The following PLPPR1 variants were observed in gnomAD, a reference collection of about 807,000 sequenced individuals.
PLPPR1 encodes phospholipid phosphatase-related protein type 1.
In PLPPR1, 10 loss-of-function variants were observed where a neutral mutation model predicts 33.1. That is an observed-to-expected ratio of 0.30 (90% CI 0.19 to 0.51). PLPPR1 has a LOEUF of 0.51. Ranked by LOEUF, PLPPR1 falls within the 20% of genes least tolerant of loss-of-function variation. PLPPR1 has a pLI of 0.97. For missense variants in PLPPR1, 304 were observed against 408.1 expected, an observed-to-expected ratio of 0.74 and a Z score of 2.20; for synonymous variants, 151 against 151.0, an observed-to-expected ratio of 1.00 and a Z score of 0.00.
At chr9:101,182,041 ATATATGTAGTATTG>A (rs1349588273) in intron 1 of PLPPR1, among the ~76,000 whole-genome samples, 7 of 151,362 alleles carry the variant, frequency 4.6e-5, no homozygotes, top group Admixed American at 1.3e-4. Flanking sequence ...TGGTGAACAT[ATATATGTAGTATTG>A]TAATGGAATA....
chr9:101,138,282 C>G (rs1431464), intron 1 of PLPPR1, among the ~76,000 whole-genome samples: 96,059 of 151,976 alleles, frequency 0.63, 31,393 homozygotes, highest in Non-Finnish European at 0.73. Flanking sequence ...AACTCACTGG[C>G]TTGTTAAAAG....
chr9:101,083,572 T>C (rs1435814722), intron 1 of PLPPR1, among the ~76,000 whole-genome samples: 2 of 152,080 alleles, frequency 1.3e-5, no homozygotes, highest in Non-Finnish European at 2.9e-5. Context: ...AATCAATTGG[T>C]TACTCAAGGT....
intron 4 of PLPPR1, among the ~76,000 whole-genome samples, chr9:101,297,303 G>A (rs1430119621): frequency 6.6e-6 from 1 of 152,192 alleles, no homozygotes; most frequent in Non-Finnish European, 1.5e-5. Context: ...GGATAGAAGA[G>A]CAAAAACTTC....
chr9:101,216,638 G>A (rs941237483), intron 2 of PLPPR1, among the ~76,000 whole-genome samples: 3 of 152,176 alleles, frequency 2.0e-5, no homozygotes, highest in African/African-American at 7.2e-5. Flanking sequence ...AAGAGAATCT[G>A]CCCTTAATGG....
chr9:101,227,001 C>T (rs1455690773), intron 2 of PLPPR1, among the ~76,000 whole-genome samples: 1 of 152,132 alleles, frequency 6.6e-6, no homozygotes, highest in Admixed American at 6.5e-5. Context: ...GAGGCTGAAC[C>T]TTGGACCCTG....
At chr9:101,308,277 C>T (rs947599345) in intron 4 of PLPPR1, among the ~76,000 whole-genome samples, 1 of 152,056 alleles carries the variant, frequency 6.6e-6, no homozygotes, top group East Asian at 1.9e-4. Flanking sequence ...AGAGGAGATA[C>T]AACAGTGAAG....
At chr9:101,168,365 C>T (rs1825890877) in intron 1 of PLPPR1, among the ~76,000 whole-genome samples, 1 of 152,068 alleles carries the variant, frequency 6.6e-6, no homozygotes, top group Non-Finnish European at 1.5e-5. Flanking sequence ...TAATTTCATA[C>T]CATAGATATG....
intron 1 of PLPPR1, among the ~76,000 whole-genome samples, chr9:101,169,193 TCTGTGTGC>T (rs1588055951): frequency 6.6e-6 from 1 of 152,160 alleles, no homozygotes; most frequent in Non-Finnish European, 1.5e-5. Flanking sequence ...TGTCTGTGTG[TCTGTGTGC>T]TTCAGTTCTT....
At chr9:101,168,666 A>G (rs532210363) in intron 1 of PLPPR1, among the ~76,000 whole-genome samples, 4 of 152,284 alleles carry the variant, frequency 2.6e-5, no homozygotes, top group African/African-American at 9.6e-5. Flanking sequence ...CCTTGAACCC[A>G]GAAGGTACTT....
intron 2 of PLPPR1, among the ~76,000 whole-genome samples, chr9:101,208,820 C>A (rs1402457309): frequency 6.6e-6 from 1 of 152,278 alleles, no homozygotes; most frequent in Non-Finnish European, 1.5e-5. Context: ...ACAGATCATA[C>A]TGGCCACTTC....
chr9:101,281,424 T>G (rs114797827), intron 3 of PLPPR1, among the ~76,000 whole-genome samples: 45 of 152,028 alleles, frequency 3.0e-4, no homozygotes, highest in Non-Finnish European at 5.6e-4. Flanking sequence ...GACATTTATA[T>G]GACATCACAA....
At chr9:101,126,533 C>T (rs984057843) in intron 1 of PLPPR1, among the ~76,000 whole-genome samples, 5 of 152,158 alleles carry the variant, frequency 3.3e-5, no homozygotes, top group East Asian at 1.9e-4. Flanking sequence ...AGATATGCCT[C>T]GGTTTATTGA....
chr9:101,097,840 C>T (rs1830840809), intron 1 of PLPPR1, among the ~76,000 whole-genome samples: 2 of 152,050 alleles, frequency 1.3e-5, no homozygotes, highest in Non-Finnish European at 2.9e-5. Flanking sequence ...GGAGGTATTT[C>T]TGTAAGAGGG....
intron 1 of PLPPR1, among the ~76,000 whole-genome samples, chr9:101,070,453 G>T (rs1397249223): frequency 6.6e-6 from 1 of 152,010 alleles, no homozygotes; most frequent in Non-Finnish European, 1.5e-5. Flanking sequence ...AGAAAAGGAA[G>T]AATGGCACAT....
At chr9:101,113,036 T>A (rs1831075554) in intron 1 of PLPPR1, among the ~76,000 whole-genome samples, 1 of 152,232 alleles carries the variant, frequency 6.6e-6, no homozygotes, top group Non-Finnish European at 1.5e-5. Flanking sequence ...TGAAAGATGC[T>A]TCTAATTATC....
chr9:101,225,771 ATAATT>A (rs1419293207), intron 2 of PLPPR1, among the ~76,000 whole-genome samples: 5 of 141,102 alleles, frequency 3.5e-5, no homozygotes, highest in African/African-American at 1.3e-4. Context: ...ACCAAGAAAT[ATAATT>A]TAAATGTGTC....
At chr9:101,287,314 C>A (rs907385232) in intron 4 of PLPPR1, among the ~76,000 whole-genome samples, 2 of 152,182 alleles carry the variant, frequency 1.3e-5, no homozygotes, top group African/African-American at 4.8e-5. Context: ...GATGCCACTA[C>A]TATCTAGTTC....
intron 1 of PLPPR1, among the ~76,000 whole-genome samples, chr9:101,037,649 A>G (rs1830025686): frequency 6.6e-6 from 1 of 152,122 alleles, no homozygotes; most frequent in Non-Finnish European, 1.5e-5. Context: ...TTTGCTAGCT[A>G]TCGCTTCCAG....
intron 2 of PLPPR1, among the ~76,000 whole-genome samples, chr9:101,224,132 C>T (rs1346458531): frequency 3.3e-5 from 5 of 152,078 alleles, no homozygotes; most frequent in African/African-American, 1.2e-4. Flanking sequence ...GAATATTCCA[C>T]TGTGCCATAG....
Sources: gnomAD v4.1 joint callset for allele counts (sites outside exome capture counted in the v4.1 genomes callset) on GRCh38, gnomAD v4.1.1 for gene constraint, MANE v1.5 for transcripts, NCBI Gene and HGNC (gene_info 2026-07-23, HGNC 2026-07-21) for gene names.